SPAG4: variants seen among roughly 807,000 people sequenced by gnomAD.
SPAG4 encodes sperm associated antigen 4, also known as sperm-associated antigen 4 protein.
SPAG4 carries 54 observed loss-of-function variants against 53.9 expected under a neutral mutation model. That is an observed-to-expected ratio of 1.00 (90% CI 0.80 to 1.26). The LOEUF is 1.26. SPAG4 is among the 50% of genes most tolerant of loss of function. The pLI, the probability that SPAG4 is intolerant of heterozygous loss-of-function variation, is 0.00. For missense variants in SPAG4, 548 were observed against 568.6 expected (o/e 0.96, Z 0.37); for synonymous variants, 246 against 237.4 (o/e 1.04, Z -0.33).
chr20:35,618,705 G>A lies in SPAG4; in HGVS notation c.702G>A (p.Arg234=), dbSNP rs780647832. The A allele has an allele frequency of 3.8e-6, 6 of 1,585,364 alleles. No homozygotes were observed. Among genetic ancestry groups the A allele is most frequent in the Non-Finnish European group, 5.1e-6 (6 of 1,165,270 alleles). Residue 234 remains arginine, a synonymous_variant, in exon 7 of 12, where the codon CGG becomes CGA. Coordinates refer to ENST00000374273, the MANE Select transcript of SPAG4 (RefSeq NM_003116.3). Reference sequence around the variant, plus strand: ...TCCACAAGGAGGTGTCCACTGTTCGGGCAGCCAACAGCGAGGTGAGCCCCG... The same window carrying A: ...TCCACAAGGAGGTGTCCACTGTTCGAGCAGCCAACAGCGAGGTGAGCCCCG... ...DKLHKEVSTV[R]AANSERVAKL...
In SPAG4 at chr20:35,620,978, C is replaced by T. The variant is rs148346595; in HGVS notation, c.1270C>T (p.Arg424Ter). ...GTATCGAGTCCGTGCCCACGGTGTG[C>T]GAACCTCAGAGGGGGCAGAGGGCAG... ...CLYRVRAHGV[R>*]TSEGAEGSAQ... The change falls in exon 12 of 12, where the codon CGA becomes TGA. Residue 424 changes from arginine (R) to a stop codon, truncating the protein, a stop_gained. Transcript: ENST00000374273. LOFTEE classifies it high-confidence loss of function. The T allele has an allele frequency of 3.1e-6, 5 of 1,614,034 alleles. No homozygotes were observed. Among genetic ancestry groups the T allele is most frequent in the African/African-American group, 1.3e-5 (1 of 74,916 alleles).
In SPAG4 at chr20:35,617,201, C is replaced by T. The variant is rs1253887800; in HGVS notation, c.370C>T (p.Gln124Ter). The change falls in exon 2 of 12, where the codon CAG becomes TAG. Residue 124 changes from glutamine to a stop codon, truncating the protein, a stop_gained. Coordinates refer to ENST00000374273, the MANE Select transcript of SPAG4 (RefSeq NM_003116.3). LOFTEE classifies it high-confidence loss of function. ...CCTTCTCCCGACCCTGGATCTGAGG[C>T]AGGAGATGCCTCCCCCGCGGGTGTT... ...LDLLPTLDLRQEMPPPRVFKS... is the reference protein window; with the variant it reads ...LDLLPTLDLR 1 of 1,602,666 alleles carries T rather than the reference C, an allele frequency of 6.2e-7. No homozygotes were observed. Among genetic ancestry groups the T allele is most frequent in the South Asian group, 1.1e-5 (1 of 88,814 alleles).
chr20:35,617,321 C>G lies in SPAG4; in HGVS notation c.409+81C>G. The G allele has an allele frequency of 5.5e-6, 6 of 1,084,114 alleles. No homozygotes were observed. In the South Asian group the frequency reaches 8.1e-5, roughly 15 times the overall value. 67.2% of individuals were successfully genotyped at this position (1,084,114 alleles called of 1,614,324 possible). A position where few individuals can be genotyped will look rare whatever the true frequency, so the allele number is the denominator to read the frequency against. ...TCCAGTTCTCTCTGAGCCCCCGGCC[C>G]CCGTTTGAGTATCGAGCCCCTCTCC... is the stretch of plus-strand genomic sequence containing the variant. On this transcript the variant is annotated intron_variant, in intron 2 of 11. Transcript: ENST00000374273.
chr20:35,617,757 C>T (rs1331596466), intron 3 of SPAG4, 22 bp from the exon 4 acceptor site: 3 of 1,612,340 alleles, frequency 1.9e-6, no homozygotes, highest in African/African-American at 1.3e-5. Context: ...GTCGGGGCCT[C>T]AGCCTCCCTC....
intron 1 of SPAG4, chr20:35,616,514 G>A (rs2031387366): frequency 2.1e-6 from 1 of 469,862 alleles, no homozygotes; most frequent in East Asian, 1.5e-4. Context: ...AAAATCTTGT[G>A]GTTGGGTGCC....
intron 1 of SPAG4, 88 bp downstream of exon 1, chr20:35,616,395 C>G (rs1330940676): frequency 1.3e-5 from 18 of 1,414,658 alleles, no homozygotes; most frequent in Non-Finnish European, 1.7e-5. Flanking sequence ...AAGATGATAT[C>G]TGGGCACCTC....
Position 35,617,143 on chromosome 20 carries a change from T to A in SPAG4, c.312T>A (p.Thr104=). The A allele has an allele frequency of 1.9e-6, 3 of 1,585,114 alleles. No individual in the cohort carries two copies. The highest frequency in any genetic ancestry group is 2.6e-6 in the Non-Finnish European group (3 of 1,165,044). ...ATVRGGASEP[T]GSPVVSEEPL... is the part of the protein sequence containing the mutation. ...GCCCTTGGGTTCCCGCAGAACCGAC[T>A]GGGTCTCCAGTAGTCTCTGAGGAGC... is the stretch of plus-strand genomic sequence containing the variant. Residue 104 remains threonine (T), a synonymous_variant, in exon 2 of 12, where the codon ACT becomes ACA. Transcript: ENST00000374273.
chr20:35,618,018 T>C, intron 4 of SPAG4, 69 bp from the exon 5 acceptor site: 3 of 1,530,898 alleles, frequency 2.0e-6, no homozygotes, highest in Non-Finnish European at 2.7e-6. Context: ...CTCTTTCCAC[T>C]GTCCCCCTAT....
chr20:35,620,277 C>A (rs2031530932), intron 10 of SPAG4, among the ~76,000 whole-genome samples: 1 of 152,128 alleles, frequency 6.6e-6, no homozygotes, highest in Non-Finnish European at 1.5e-5. Flanking sequence ...GCTTTGCACC[C>A]ACATAACAAC....
chr20:35,617,096 TG>T, intron 1 of SPAG4, 39 bp from the exon 2 acceptor site: 1 of 1,337,664 alleles, frequency 7.5e-7, no homozygotes, highest in Non-Finnish European at 1.1e-6. Flanking sequence ...AATAGGTCTG[TG>T]GTCCGCAAGG....
rs763417756 is a variant in SPAG4 at position 35,616,265 on chromosome 20, C to G, written c.262C>G (p.Gln88Glu). ...GCCAGCGCCTCGGAGCCACAACTGG[C>G]AGACAGCCTGTGGCGCGGCAACCGT... ...QKPAPRSHNW[Q>E]TACGAATVRG... The change falls in exon 1 of 12, where the codon CAG becomes GAG. Residue 88 changes from glutamine to glutamate, a missense_variant. Physicochemically the swap from Gln to Glu is conservative, Grantham distance 29 (BLOSUM62 2). Coordinates refer to ENST00000374273, the MANE Select transcript of SPAG4 (RefSeq NM_003116.3). 4 of 1,501,616 alleles carry G rather than the reference C, an allele frequency of 2.7e-6. No homozygotes were observed. The South Asian group carries it at 5.3e-5, about 20-fold the overall frequency. The allele number at this position is 1,501,616 out of a possible 1,614,324, so 93.0% of individuals were successfully genotyped here. A position where few individuals can be genotyped will look rare whatever the true frequency, so the allele number is the denominator to read the frequency against.
intron 8 of SPAG4, 31 bp from the exon 9 acceptor site, chr20:35,619,164 A>C: frequency 7.9e-7 from 1 of 1,266,196 alleles, no homozygotes; most frequent in Non-Finnish European, 1.1e-6. Context: ...AAGGCCTGGG[A>C]GCCTCTGAGG....
chr20:35,617,505 C>CT lies in SPAG4; in HGVS notation c.410-14dup. ...CTGCCGTGGGCCCCTCTCTGACCCT[C>CT]TGTCCTGGCCTCAGGCCTGCTCTTC... On this transcript the variant is annotated splice_polypyrimidine_tract_variant and intron_variant, in intron 2 of 11. Transcript: ENST00000374273. The CT allele has an allele frequency of 1.3e-6, 2 of 1,580,998 alleles. No homozygotes were observed. The highest frequency in any genetic ancestry group is 1.7e-6 in the Non-Finnish European group (2 of 1,162,190).
rs1369732117 is a variant in SPAG4 at position 35,618,868 on chromosome 20, T to C, written c.718-55T>C. The C allele has an allele frequency of 1.9e-6, 3 of 1,553,700 alleles. No homozygotes were observed. In the African/African-American group the frequency reaches 4.1e-5, roughly 21 times the overall value. On this transcript the variant is annotated intron_variant, in intron 7 of 11. Coordinates refer to ENST00000374273, the MANE Select transcript of SPAG4 (RefSeq NM_003116.3). ...CCAGCTCCCAGAGGTCCCGTCCACC[T>C]GTAAAAGCAGCCCGCAAGCCTCGCC...
At chr20:35,618,178 C>T (rs374920843) in intron 5 of SPAG4, 48 bp downstream of exon 5, 2 of 1,584,046 alleles carry the variant, frequency 1.3e-6, no homozygotes, top group Non-Finnish European at 1.7e-6. Context: ...AGGTTGTGAA[C>T]CCGGAGATTG....
chr20:35,618,587 C>T, intron 6 of SPAG4, 25 bp from the exon 7 acceptor site: 1 of 1,594,710 alleles, frequency 6.3e-7, no homozygotes, highest in Non-Finnish European at 8.5e-7. Flanking sequence ...GAGCCAACCC[C>T]ACGGCGCCCA....
Position 35,616,153 on chromosome 20 carries a change from A to G in SPAG4, c.150A>G (p.Arg50=). The G allele has an allele frequency of 6.2e-7, 1 of 1,602,338 alleles. No homozygotes were observed. Among genetic ancestry groups the G allele is most frequent in the Non-Finnish European group, 8.5e-7 (1 of 1,175,300 alleles). Residue 50 remains arginine, a synonymous_variant, in exon 1 of 12, where the codon AGA becomes AGG. Coordinates refer to ENST00000374273, the MANE Select transcript of SPAG4 (RefSeq NM_003116.3). ...CCGGGCCTGGGGAGCCCGAGGGCAG[A>G]AGAGCCCGGGGCCCGAGCTGCGGTG... ...AEPGPGEPEG[R]RARGPSCGEP... is the part of the protein sequence containing the mutation.
rs1197721129 is a variant in SPAG4 at position 35,618,487 on chromosome 20, C to T, written c.608+12C>T. On this transcript the variant is annotated intron_variant, in intron 6 of 11. Transcript: ENST00000374273. ...ATGCTGACTCTAAGGTGAAAGAGGG[C>T]ACCTAGGGTGGGAAATTGGGGGGCT... is the stretch of plus-strand genomic sequence containing the variant. The T allele has an allele frequency of 6.2e-7, 1 of 1,613,760 alleles. No individual in the cohort carries two copies. The highest frequency in any genetic ancestry group is 8.5e-7 in the Non-Finnish European group (1 of 1,179,882).
intron 4 of SPAG4, 73 bp from the exon 5 acceptor site, chr20:35,618,014 C>T: frequency 1.3e-6 from 2 of 1,527,150 alleles, no homozygotes; most frequent in Non-Finnish European, 1.8e-6. Context: ...AAGCCTCTTT[C>T]CACTGTCCCC....
Sources: gnomAD v4.1 joint callset for allele counts (sites outside exome capture counted in the v4.1 genomes callset) on GRCh38, gnomAD v4.1.1 for gene constraint, MANE v1.5 for transcripts, NCBI Gene and HGNC (gene_info 2026-07-23, HGNC 2026-07-21) for gene names.